The following ADAMTS6 variants were observed in gnomAD, a reference collection of about 807,000 sequenced individuals.
ADAMTS6 encodes the protein ADAM metallopeptidase with thrombospondin type 1 motif 6.
ADAMTS6 carries 23 observed loss-of-function variants against 144.3 expected under a neutral mutation model. That is an observed-to-expected ratio of 0.16 (90% confidence interval 0.11 to 0.23). The LOEUF is 0.23. Ranked by LOEUF, ADAMTS6 falls within the 10% of genes least tolerant of loss-of-function variation. ADAMTS6 has a pLI of 1.00. For missense variants in ADAMTS6, 999 were observed against 1,379.6 expected (o/e 0.72, Z 4.37); for synonymous variants, 444 against 457.5 (o/e 0.97, Z 0.38).
rs201613005 is a variant in ADAMTS6, at chr5:65,242,123, G to C, written c.1914C>G (p.Asn638Lys). 80 of 1,601,064 alleles carry C rather than the reference G, an allele frequency of 5.0e-5. No individual in the cohort carries two copies. The East Asian group carries it at 1.7e-3, about 35-fold the overall frequency. ...DNMPFRGKYY[N>K]WKPYTGGGVK... ...CATTACCTCCAGTATAGGGTTTCCA[G>C]TTATAATACTTTCCTCGGAAAGGCA... Residue 638 changes from asparagine to lysine, a missense_variant, in exon 15 of 25, where the codon AAC becomes AAG. Around this residue, in one of 3 missense-constraint regions of ADAMTS6, gnomAD observed 619 missense variants for 837.0 expected, o/e 0.74. Coordinates refer to ENST00000381055, the MANE Select transcript of ADAMTS6 (RefSeq NM_197941.4).
rs1052346274 is a variant in ADAMTS6, at chr5:65,448,990, TAA to T, written c.1073+2483_1073+2484del. On this transcript the variant is annotated intron_variant, in intron 7 of 24. Transcript: ENST00000381055. ...GTTGGATTTCAAAATAAAAAATATA[TAA>T]GAGAGAGTCCAACACTGGTACCTCT... 6.6e-5 allele frequency among the ~76,000 whole-genome samples: 10 copies of T among 152,238 alleles called. No homozygotes were observed. The East Asian group carries it at 7.7e-4, about 12-fold the overall frequency.
chr5:65,371,287 C>G (rs941649516), intron 7 of ADAMTS6, among the ~76,000 whole-genome samples: 1 of 152,178 alleles, frequency 6.6e-6, no homozygotes, highest in African/African-American at 2.4e-5. Context: ...CTTTGACGAG[C>G]TGAGAGAAGA....
At chr5:65,439,361 G>A (rs1341258912) in intron 7 of ADAMTS6, among the ~76,000 whole-genome samples, 1 of 151,882 alleles carries the variant, frequency 6.6e-6, no homozygotes, top group Admixed American at 6.6e-5. Context: ...GGAGAAACAT[G>A]GTGGACATTA....
chr5:65,322,609 G>A (rs968481920), intron 9 of ADAMTS6, among the ~76,000 whole-genome samples: 3 of 128,260 alleles, frequency 2.3e-5, no homozygotes, highest in African/African-American at 5.9e-5. Context: ...CTAGTTAGCT[G>A]TATTCCTAGG....
At chr5:65,350,853 G>C (rs1048482950) in intron 7 of ADAMTS6, among the ~76,000 whole-genome samples, 1 of 152,060 alleles carries the variant, frequency 6.6e-6, no homozygotes, top group African/African-American at 2.4e-5. Context: ...TCACCATGTT[G>C]GCGAAGCTGG....
At chr5:65,351,483 G>A (rs1474088926) in intron 7 of ADAMTS6, among the ~76,000 whole-genome samples, 1 of 152,184 alleles carries the variant, frequency 6.6e-6, no homozygotes, top group African/African-American at 2.4e-5. Flanking sequence ...ATAACTCTTT[G>A]GGTTACCTTG....
chr5:65,233,562 T>C (rs1025214919), intron 15 of ADAMTS6, among the ~76,000 whole-genome samples: 10 of 152,022 alleles, frequency 6.6e-5, no homozygotes, highest in Non-Finnish European at 1.2e-4. Flanking sequence ...AGATAGAAAT[T>C]AAGAAAACAA....
intron 24 of ADAMTS6, among the ~76,000 whole-genome samples, chr5:65,169,495 A>C (rs998492191): frequency 7.4e-6 from 1 of 134,446 alleles, no homozygotes; most frequent in Non-Finnish European, 1.6e-5. Flanking sequence ...TCAGGGATCT[A>C]GAACTAGAAA....
At chr5:65,404,616 G>A (rs1754275744) in intron 7 of ADAMTS6, among the ~76,000 whole-genome samples, 1 of 152,192 alleles carries the variant, frequency 6.6e-6, no homozygotes, top group East Asian at 1.9e-4. Flanking sequence ...ACATGTGCAT[G>A]TGTCTTTATA....
chr5:65,159,249 C>G (rs557102245), intron 24 of ADAMTS6, among the ~76,000 whole-genome samples: 1 of 152,272 alleles, frequency 6.6e-6, no homozygotes, highest in South Asian at 2.1e-4. Flanking sequence ...AATTCTTTCT[C>G]ATTCTACTCC....
At chr5:65,400,519 T>A (rs1753830199) in intron 7 of ADAMTS6, among the ~76,000 whole-genome samples, 1 of 152,124 alleles carries the variant, frequency 6.6e-6, no homozygotes, top group Admixed American at 6.5e-5. Context: ...GCCAGCTAGG[T>A]TTTTTCTTAT....
At chr5:65,276,041 C>T (rs553790937) in intron 11 of ADAMTS6, among the ~76,000 whole-genome samples, 4 of 152,164 alleles carry the variant, frequency 2.6e-5, no homozygotes, top group East Asian at 1.9e-4. Context: ...TTGAAAAAGA[C>T]GATACTTATT....
At chr5:65,188,852 T>A (rs768455837) in intron 21 of ADAMTS6, among the ~76,000 whole-genome samples, 4 of 152,220 alleles carry the variant, frequency 2.6e-5, no homozygotes, top group South Asian at 2.1e-4. Context: ...TTGAGGCAGG[T>A]TCTCCCATAA....
At chr5:65,267,411 AT>A (rs1447355490) in intron 12 of ADAMTS6, among the ~76,000 whole-genome samples, 1 of 151,986 alleles carries the variant, frequency 6.6e-6, no homozygotes, top group African/African-American at 2.4e-5. Context: ...AAGCCATCAT[AT>A]TTTTTTCCAA....
chr5:65,421,167 GT>G (rs1015607270), intron 7 of ADAMTS6, among the ~76,000 whole-genome samples: 1 of 152,130 alleles, frequency 6.6e-6, no homozygotes, highest in African/African-American at 2.4e-5. Context: ...GTCTCTGTGA[GT>G]TTTATGCTTT....
At chr5:65,339,455 C>CAAAAAAAAA (rs538468970) in intron 7 of ADAMTS6, among the ~76,000 whole-genome samples, 4 of 108,666 alleles carry the variant, frequency 3.7e-5, no homozygotes, top group African/African-American at 1.2e-4. Context: ...ATAAAAAAAG[C>CAAAAAAAAA]AAAAAAAAAA....
rs1450634832 is a variant in ADAMTS6, at chr5:65,298,508, T to G, written c.1370+1477A>C. On this transcript the variant is annotated intron_variant, in intron 10 of 24. Coordinates refer to ENST00000381055, the MANE Select transcript of ADAMTS6 (RefSeq NM_197941.4). ...TCTTCAAAAATGTTTAAAATTTAGG[T>G]AAATGATCTCATTAAAACCATCTTA... is the stretch of plus-strand genomic sequence containing the variant. Among the ~76,000 whole-genome samples the G allele has an allele frequency of 2.0e-5, 3 of 152,244 alleles. No homozygotes were observed. The East Asian group carries it at 5.8e-4, about 29-fold the overall frequency.
chr5:65,263,569 G>A (rs909618774), intron 12 of ADAMTS6, among the ~76,000 whole-genome samples: 7 of 152,130 alleles, frequency 4.6e-5, no homozygotes, highest in African/African-American at 1.4e-4. Flanking sequence ...CTAGCCATGT[G>A]TATGGCCCCC....
At position 65,273,454 on chromosome 5, in the gene ADAMTS6, A is replaced by C; in HGVS notation, c.1513-7T>G. On this transcript the variant is annotated splice_polypyrimidine_tract_variant and splice_region_variant and intron_variant, in intron 11 of 24. Coordinates refer to ENST00000381055, the MANE Select transcript of ADAMTS6 (RefSeq NM_197941.4). ...AGAGCTCTCTACACACTTCCTAGGA[A>C]AGAAGGCAAAAGCAAGTTGATCAGA... is the stretch of plus-strand genomic sequence containing the variant. The C allele has an allele frequency of 6.2e-7, 1 of 1,607,412 alleles. No homozygotes were observed. Among genetic ancestry groups the C allele is most frequent in the Middle Eastern group, 1.7e-4 (1 of 6,040 alleles).
Sources: gnomAD v4.1 joint callset for allele counts (sites outside exome capture counted in the v4.1 genomes callset) on GRCh38, gnomAD v4.1.1 for gene constraint, gnomAD v4.1.1 regional missense constraint, MANE v1.5 for transcripts, NCBI Gene and HGNC (gene_info 2026-07-23, HGNC 2026-07-21) for gene names.